FAM153A: variants seen among roughly 807,000 people sequenced by gnomAD.
The protein encoded by FAM153A is family with sequence similarity 153 member A.
FAM153A carries 12 observed loss-of-function variants against 48.1 expected under a neutral mutation model. The ratio of observed to expected loss-of-function variants is 0.25; its 90% CI spans 0.16 to 0.40. The LOEUF (loss-of-function observed/expected upper bound fraction) is 0.40, where lower values mean the gene tolerates loss of function less well. Among genes scored for constraint, FAM153A ranks in the 10% least tolerant of loss-of-function variants. The pLI is 1.00. For synonymous variants in FAM153A, 36 were observed against 118.2 expected (o/e 0.30, Z 4.51); for missense variants, 111 against 345.8 (o/e 0.32, Z 5.38).
chr5:177,713,927 A>C (rs533508073), intron 25 of FAM153A: 1 of 152,054 alleles, frequency 6.6e-6, no homozygotes, highest in South Asian at 2.1e-4. Context: ...CTGTTCAGAA[A>C]TACAAGACTC....
intron 18 of FAM153A, among the ~76,000 whole-genome samples, chr5:177,725,344 G>T (rs1278866892): frequency 7.0e-6 from 1 of 142,488 alleles, no homozygotes; most frequent in Non-Finnish European, 1.5e-5. Context: ...CAGGCCTGGG[G>T]TTGTGTTGGG....
chr5:177,721,025 G>GTGCT (rs1362423769), downstream of FAM153A, among the ~76,000 whole-genome samples: 3 of 45,670 alleles, frequency 6.6e-5, no homozygotes, highest in South Asian at 9.3e-4. Flanking sequence ...AACCTGCAAT[G>GTGCT]TGCTCAGTGT....
chr5:177,725,414 T>TG, intron 18 of FAM153A, among the ~76,000 whole-genome samples: 1 of 145,044 alleles, frequency 6.9e-6, no homozygotes, highest in African/African-American at 2.7e-5. Context: ...ATGCCTGGAG[T>TG]GACCTTAGAG....
the FAM153A span, among the ~76,000 whole-genome samples, chr5:177,694,815 T>C: frequency 5.5e-5 from 8 of 145,692 alleles, no homozygotes; most frequent in Non-Finnish European, 7.5e-5. Context: ...CTTATCTGCT[T>C]TTTCTTGTTG....
At chr5:177,759,627 T>G (rs1389220728) in intron 1 of FAM153A, among the ~76,000 whole-genome samples, 10 of 151,586 alleles carry the variant, frequency 6.6e-5, no homozygotes, top group Admixed American at 6.6e-4. Flanking sequence ...TGGAATACTA[T>G]GCAGCCATAA....
chr5:177,738,092 C>T, intron 10 of FAM153A, among the ~76,000 whole-genome samples: 1 of 151,116 alleles, frequency 6.6e-6, no homozygotes, highest in South Asian at 2.1e-4. Context: ...ATCACGGGGG[C>T]AGCAGGTGGG....
exon 27 of FAM153A, chr5:177,711,668 G>A (rs1195250726): frequency 1.3e-5 from 2 of 151,926 alleles, no homozygotes; most frequent in Non-Finnish European, 2.9e-5. Flanking sequence ...TTTTGATGGT[G>A]TTATCAGATT....
At chr5:177,695,872 T>C in the FAM153A span, among the ~76,000 whole-genome samples, 8 of 128,842 alleles carry the variant, frequency 6.2e-5, no homozygotes, top group Admixed American at 1.5e-4. Context: ...ACTTCCCAGA[T>C]GATGGGCGGC....
intron 1 of FAM153A, among the ~76,000 whole-genome samples, chr5:177,752,616 GCCAAAA>G: frequency 3.3e-5 from 1 of 29,936 alleles, no homozygotes; most frequent in African/African-American, 2.2e-4. Context: ...ATGAGACTCT[GCCAAAA>G]AAAAAAAAAA....
At chr5:177,700,170 A>G in the FAM153A span, among the ~76,000 whole-genome samples, 2 of 151,990 alleles carry the variant, frequency 1.3e-5, no homozygotes, top group African/African-American at 4.9e-5. Flanking sequence ...CAATGAATAA[A>G]CTAGGAATAG....
chr5:177,715,703 T>C (rs1759585132), intron 25 of FAM153A, among the ~76,000 whole-genome samples: 1 of 151,798 alleles, frequency 6.6e-6, no homozygotes, highest in Admixed American at 6.6e-5. Flanking sequence ...ACACTTTTTT[T>C]GTTAGTTTTT....
downstream of FAM153A, among the ~76,000 whole-genome samples, chr5:177,717,561 TAAC>T (rs1440874638): frequency 6.6e-6 from 1 of 150,816 alleles, no homozygotes; most frequent in Admixed American, 6.6e-5. Flanking sequence ...AGATGACTAA[TAAC>T]AAAAGGGAAA....
downstream of FAM153A, among the ~76,000 whole-genome samples, chr5:177,707,472 G>T (rs1582101526): frequency 6.6e-6 from 1 of 151,978 alleles, no homozygotes; most frequent in East Asian, 1.9e-4. Context: ...AATGCATATA[G>T]TAGGTGTTTT....
chr5:177,702,125 G>A, the FAM153A span, among the ~76,000 whole-genome samples: 3 of 151,760 alleles, frequency 2.0e-5, no homozygotes, highest in Non-Finnish European at 4.4e-5. Context: ...AGCCAGGATG[G>A]TCTCGATCTC....
At chr5:177,739,239 T>G in intron 9 of FAM153A, 102 bp from the exon 12 acceptor site, 1 of 1,291,574 alleles carries the variant, frequency 7.7e-7, no homozygotes, top group Non-Finnish European at 1.1e-6. Context: ...GATGGGAAAT[T>G]CTGGTGGAGG....
intron 1 of FAM153A, among the ~76,000 whole-genome samples, chr5:177,761,180 G>A (rs1288296307): frequency 6.6e-6 from 1 of 151,222 alleles, no homozygotes; most frequent in Non-Finnish European, 1.5e-5. Context: ...CCCAGCTGCA[G>A]CAGCTTGGCC....
chr5:177,707,901 A>G (rs1210714428), downstream of FAM153A: 3 of 151,986 alleles, frequency 2.0e-5, no homozygotes, highest in African/African-American at 4.9e-5. Context: ...AGGGGCAGCA[A>G]TGTCTGTAAC....
rs1413175344 is a variant in FAM153A at position 177,769,780 on chromosome 5, G to A, written c.-57+10669C>T. Among the ~76,000 whole-genome samples, 7 of 96,418 alleles carry A rather than the reference G, an allele frequency of 7.3e-5. 3 individuals are homozygous for A. The highest frequency in any genetic ancestry group is 1.5e-4 in the Non-Finnish European group (7 of 46,716). 63.3% of individuals were successfully genotyped at this position (96,418 alleles called of 152,430 possible). Reference sequence around the variant, plus strand: ...CCTGCCATTTTACCTCCCACAGAAAGAACCACTGGAAAGATCACTCCTTTA... The same window carrying A: ...CCTGCCATTTTACCTCCCACAGAAAAAACCACTGGAAAGATCACTCCTTTA... On this transcript the variant is annotated intron_variant, in intron 1 of 8. Transcript: ENST00000393518.
At chr5:177,753,442 C>T (rs1441937805), upstream of FAM153A, 4 of 413,250 alleles carry the variant, frequency 9.7e-6, no homozygotes, top group Admixed American at 9.8e-5. Context: ...AAAACTGAAT[C>T]TCAGACACAC....
Sources: gnomAD v4.1 joint callset for allele counts (sites outside exome capture counted in the v4.1 genomes callset) on GRCh38, gnomAD v4.1.1 for gene constraint, MANE v1.5 for transcripts, NCBI Gene and HGNC (gene_info 2026-07-23, HGNC 2026-07-21) for gene names.